The following CPA1 variants were observed in gnomAD, a reference collection of about 807,000 sequenced individuals.
The protein encoded by CPA1 is carboxypeptidase A1.
In CPA1, 42 loss-of-function variants were observed where a neutral mutation model predicts 48.7. That is an observed-to-expected ratio of 0.86 (90% CI 0.67 to 1.11). The LOEUF (loss-of-function observed/expected upper bound fraction) is 1.11. Ranked by LOEUF, CPA1 falls within the 50% of genes most tolerant of loss-of-function variation. CPA1 has a pLI of 0.00. For synonymous variants in CPA1, 203 were observed against 217.9 expected (o/e 0.93, Z 0.60); for missense variants, 477 against 544.7 (o/e 0.88, Z 1.24).
rs782428216 is a variant in CPA1 at position 130,382,115 on chromosome 7, A to G, written c.389A>G (p.Asp130Gly). Residue 130 changes from aspartate to glycine, a missense_variant, in exon 4 of 10, where the codon GAC becomes GGC. Asp to Gly is a moderately conservative substitution (Grantham distance 94). Transcript: ENST00000011292. ...TCTTCTTTCACACCTCAGATCTATG[A>G]CTTCCTGGACCTGCTGGTGGCGGAG... Reference protein sequence around the residue: ...ATYHTLEEIYDFLDLLVAENP... With the variant: ...ATYHTLEEIYGFLDLLVAENP... The G allele has an allele frequency of 6.2e-7, 1 of 1,613,842 alleles. No homozygotes were observed. Among genetic ancestry groups the G allele is most frequent in the East Asian group, 2.2e-5 (1 of 44,878 alleles).
At chr7:130,384,752 T>C (rs1796451677) in intron 7 of CPA1, 126 bp downstream of exon 7, 2 of 763,420 alleles carry the variant, frequency 2.6e-6, no homozygotes, top group South Asian at 3.3e-5. Flanking sequence ...CAGCTCTGCC[T>C]CTGAGGGCTC....
In CPA1 at chr7:130,388,108, A is replaced by C. The variant is rs74467115; in HGVS notation, c.*97A>C. The C allele has an allele frequency of 2.7e-3, 3,382 of 1,242,918 alleles. 81 individuals are homozygous for C. In the African/African-American group the frequency reaches 0.044, roughly 16 times the overall value. 77.0% of individuals were successfully genotyped at this position (1,242,918 alleles called of 1,614,324 possible). ...CCAGGAACAGAATCCTGGGGCTTGC[A>C]TGTGGAGTGTCTGCCTCTTCAAGCT... On this transcript the variant is annotated 3_prime_UTR_variant, in exon 10 of 10. Coordinates refer to ENST00000011292, the MANE Select transcript of CPA1 (RefSeq NM_001868.4).
At chr7:130,384,849 C>A (rs1204117345) in intron 7 of CPA1, 3 of 609,424 alleles carry the variant, frequency 4.9e-6, no homozygotes, top group African/African-American at 1.9e-5. Flanking sequence ...GTCTGAAATC[C>A]TACCTAGGGG....
rs1273858565 is a variant in CPA1, at chr7:130,387,583, C to T, written c.1073-241C>T. On this transcript the variant is annotated intron_variant, in intron 9 of 9. Coordinates refer to ENST00000011292, the MANE Select transcript of CPA1 (RefSeq NM_001868.4). This position sits in a 1 kb window ranked among gnomAD's most constrained non-coding sequence, Gnocchi z 4.6. ...TTGTGCAATTGCAGAGACTTCCTTG[C>T]ATCCCCTAGTGAATAGGGGAACCAT... 6.6e-6 allele frequency among the ~76,000 whole-genome samples: 1 copy of T among 152,214 alleles called. No homozygotes were observed. The highest frequency in any genetic ancestry group is 2.4e-5 in the African/African-American group (1 of 41,458).
chr7:130,384,428 C>T, intron 6 of CPA1, 108 bp from the exon 7 acceptor site: 3 of 922,688 alleles, frequency 3.3e-6, no homozygotes, highest in African/African-American at 1.6e-5. Flanking sequence ...CCAGGGAGCC[C>T]TCCCCTCAGT....
intron 2 of CPA1, 32 bp from the exon 3 acceptor site, chr7:130,381,598 G>T: frequency 6.4e-7 from 1 of 1,566,380 alleles, no homozygotes; most frequent in Non-Finnish European, 8.8e-7. Context: ...CCCCCAGCCC[G>T]CTGTGACCGT....
chr7:130,383,118 CT>C (rs1185010427), intron 4 of CPA1, among the ~76,000 whole-genome samples: 1 of 152,212 alleles, frequency 6.6e-6, no homozygotes, highest in Non-Finnish European at 1.5e-5. Context: ...CCCCAGAGAA[CT>C]GTCCGAGCAG....
intron 5 of CPA1, 79 bp from the exon 6 acceptor site, chr7:130,383,604 TG>T: frequency 1.4e-6 from 2 of 1,409,816 alleles, no homozygotes; most frequent in Non-Finnish European, 2.0e-6. Context: ...ACAGAGGACA[TG>T]GGGAAAGGTG....
chr7:130,386,271 G>A (rs1040271199), intron 9 of CPA1, among the ~76,000 whole-genome samples: 5 of 152,042 alleles, frequency 3.3e-5, no homozygotes, highest in Admixed American at 2.0e-4. Context: ...CGTGGCTCAT[G>A]CTTGTAATCC....
chr7:130,387,844 A>G lies in CPA1; in HGVS notation c.1093A>G (p.Ile365Val), dbSNP rs1316212459. 6.2e-7 allele frequency: 1 copy of G among 1,613,968 alleles called. No homozygotes were observed. Among genetic ancestry groups the G allele is most frequent in the East Asian group, 2.2e-5 (1 of 44,890 alleles). Residue 365 changes from isoleucine (I) to valine (V), a missense_variant, in exon 10 of 10, where the codon ATT becomes GTT. Transcript: ENST00000011292. This position sits in a 1 kb window ranked among gnomAD's most constrained non-coding sequence, Gnocchi z 4.6. The stretch of plus-strand genomic sequence containing the variant: ...CCCAGATCAAGCCAGTGGAAGCACT[A>G]TTGACTGGACCTACAGCCAGGGCAT... ...KAIYQASGST[I>V]DWTYSQGIKY...
chr7:130,380,657 G>A, intron 1 of CPA1, 72 bp downstream of exon 1: 1 of 834,664 alleles, frequency 1.2e-6, no homozygotes, highest in African/African-American at 1.7e-5. Flanking sequence ...CAGTAGAGGA[G>A]ACAGACAGAC....
At position 130,383,509 on chromosome 7, in the gene CPA1, G is replaced by A. The variant is rs1554411508; in HGVS notation, c.585+17G>A. 1.2e-6 allele frequency: 2 copies of A among 1,605,528 alleles called. No homozygotes were observed. The highest frequency in any genetic ancestry group is 2.2e-5 in the South Asian group (2 of 90,620). On this transcript the variant is annotated intron_variant, in intron 5 of 9. Transcript: ENST00000011292. ...GCAAAGAAGGTAAGGCCGGGGAGGT[G>A]AGGAGGGCTCTCACCTGGTGGGGCA...
Position 130,381,168 on chromosome 7 carries a change from G to A in CPA1, c.136G>A (p.Glu46Lys). 1 of 1,612,600 alleles carries A rather than the reference G, an allele frequency of 6.2e-7. No homozygotes were observed. ...GAAGGTGAAGGAGCTGGAGGACCTG[G>A]AGCACCTGCAGGTCAGAAGAGGGGA... Reference protein sequence around the residue: ...VQKVKELEDLEHLQLDFWRGP... With the variant: ...VQKVKELEDLKHLQLDFWRGP... The change falls in exon 2 of 10, where the codon GAG becomes AAG. Residue 46 changes from glutamate to lysine, a missense_variant. Physicochemically the swap from Glu to Lys is moderately conservative, Grantham distance 56 (BLOSUM62 1). Coordinates refer to ENST00000011292, the MANE Select transcript of CPA1 (RefSeq NM_001868.4).
Position 130,385,874 on chromosome 7 carries a change from C to G in CPA1, c.1023C>G (p.Ala341=). The part of the protein sequence containing the change: ...QLSKAAVTAL[A]SLYGTKFNYG... ...CCAAGGCTGCTGTGACAGCCCTGGC[C>G]TCTCTCTACGGGACCAAGTTCAACT... is the stretch of plus-strand genomic sequence containing the variant. The change falls in exon 9 of 10, where the codon GCC becomes GCG. Residue 341 remains alanine (A), a synonymous_variant. Transcript: ENST00000011292. The G allele has an allele frequency of 6.2e-7, 1 of 1,614,158 alleles. No individual in the cohort carries two copies. Among genetic ancestry groups the G allele is most frequent in the Non-Finnish European group, 8.5e-7 (1 of 1,180,014 alleles).
Position 130,384,002 on chromosome 7 carries a change from T to C in CPA1, c.696+208T>C, listed in dbSNP as rs117121471. 1.5e-3 allele frequency: 894 copies of C among 590,524 alleles called. 11 individuals are homozygous for C. The East Asian group carries it at 0.024, about 16-fold the overall frequency. 36.6% of individuals were successfully genotyped at this position (590,524 alleles called of 1,614,324 possible). A position where few individuals can be genotyped will look rare whatever the true frequency, so the allele number is the denominator to read the frequency against. On this transcript the variant is annotated intron_variant, in intron 6 of 9. Transcript: ENST00000011292. ...TGGGGGCTGTCCTGTGCATCCACGG[T>C]GTTTCTAGCATCCTAACCTTACACC... is the stretch of plus-strand genomic sequence containing the variant.
chr7:130,381,513 C>A, intron 2 of CPA1, 117 bp from the exon 3 acceptor site: 1 of 725,388 alleles, frequency 1.4e-6, no homozygotes, highest in South Asian at 1.7e-5. Flanking sequence ...GACCTATCCC[C>A]AATTATATGA....
chr7:130,383,184 G>A (rs1314354517), intron 4 of CPA1, among the ~76,000 whole-genome samples: 1 of 152,324 alleles, frequency 6.6e-6, no homozygotes, highest in African/African-American at 2.4e-5. Flanking sequence ...CCAAGCTTGG[G>A]CTGAGGGCAG....
rs782052277 is a variant in CPA1 at position 130,383,385 on chromosome 7, C to T, written c.484-6C>T. 1 of 1,613,058 alleles carries T rather than the reference C, an allele frequency of 6.2e-7. No individual in the cohort carries two copies. The highest frequency in any genetic ancestry group is 1.1e-5 in the South Asian group (1 of 90,902). ...GCCTCTGATCACTCCCCTGCCTCCTCTCCAGTTCAGCACGGGGGGCAGTAA... is the reference window on the plus strand; with the variant it reads ...GCCTCTGATCACTCCCCTGCCTCCTTTCCAGTTCAGCACGGGGGGCAGTAA... On this transcript the variant is annotated splice_region_variant and splice_polypyrimidine_tract_variant and intron_variant, in intron 4 of 9. Coordinates refer to ENST00000011292, the MANE Select transcript of CPA1 (RefSeq NM_001868.4).
Position 130,387,776 on chromosome 7 carries a change from A to G in CPA1, c.1073-48A>G. 1 of 1,565,400 alleles carries G rather than the reference A, an allele frequency of 6.4e-7. No homozygotes were observed. ...GATCGTTAACCCAACCCGTGTAAATATTCCCAAAGTGATTGACCCTTTCTC... is the reference window on the plus strand; with the variant it reads ...GATCGTTAACCCAACCCGTGTAAATGTTCCCAAAGTGATTGACCCTTTCTC... On this transcript the variant is annotated intron_variant, in intron 9 of 9. Transcript: ENST00000011292. The surrounding 1 kb of genome is among the most constrained non-coding windows in gnomAD (Gnocchi z 4.6).
Sources: gnomAD v4.1 joint callset for allele counts (sites outside exome capture counted in the v4.1 genomes callset) on GRCh38, gnomAD v4.1.1 for gene constraint, Gnocchi (gnomAD v3.1) non-coding constraint, MANE v1.5 for transcripts, NCBI Gene and HGNC (gene_info 2026-07-23, HGNC 2026-07-21) for gene names.